Variants in MYOF observed in about 807,000 individuals in gnomAD.
The protein encoded by MYOF is fer-1-like 3, myoferlin.
In MYOF, 244 loss-of-function variants were observed where a neutral mutation model predicts 284.2. The observed-to-expected ratio is 0.86, with a 90% CI of 0.77 to 0.95. MYOF has a LOEUF of 0.95. Ranked by LOEUF, MYOF falls within the 40% of genes least tolerant of loss-of-function variation. MYOF has a pLI of 0.00. For missense variants in MYOF, 2,496 were observed against 2,560.6 expected (o/e 0.97, Z 0.54); for synonymous variants, 904 against 919.7 (o/e 0.98, Z 0.31).
At chr10:93,389,175 T>C in intron 17 of MYOF, 21 bp from the exon 18 acceptor site, 1 of 1,611,228 alleles carries the variant, frequency 6.2e-7, no homozygotes, top group South Asian at 1.1e-5. Context: ...AACATCATCA[T>C]GAGGTGTTAG....
At chr10:93,333,397 C>T in intron 42 of MYOF, 85 bp from the exon 43 acceptor site, 1 of 1,136,306 alleles carries the variant, frequency 8.8e-7, no homozygotes, top group East Asian at 2.4e-5. Flanking sequence ...CTCGCCTCCA[C>T]ACCCACTCCC....
chr10:93,340,560 T>C (rs1234534758), intron 38 of MYOF, among the ~76,000 whole-genome samples: 1 of 152,146 alleles, frequency 6.6e-6, no homozygotes. Context: ...TTCGTTTTAG[T>C]TCCTTAAATA....
rs1844829264 is a variant in MYOF at position 93,356,855 on chromosome 10, CAGA to C, written c.3121-10_3121-8del. 6.2e-7 allele frequency: 1 copy of C among 1,604,484 alleles called. No individual in the cohort carries two copies. Among genetic ancestry groups the C allele is most frequent in the Non-Finnish European group, 8.5e-7 (1 of 1,177,450 alleles). On this transcript the variant is annotated splice_polypyrimidine_tract_variant and splice_region_variant and intron_variant, in intron 29 of 53. Coordinates refer to ENST00000359263, the MANE Select transcript of MYOF (RefSeq NM_013451.4). ...CTTGCAATTCCTCCATGGCCTAAAA[CAGA>C]AGTAAACATGTTAATGATGACGATG...
At position 93,433,299 on chromosome 10, in the gene MYOF, A is replaced by T. The variant is rs1848957570; in HGVS notation, c.237-1783T>A. Among the ~76,000 whole-genome samples the T allele has an allele frequency of 2.0e-5, 3 of 152,160 alleles. No homozygotes were observed. The South Asian group carries it at 6.2e-4, about 32-fold the overall frequency. The stretch of plus-strand genomic sequence containing the variant: ...TAGCCCCTCGAGTAGCTGGGATTAC[A>T]GGCATGCGCCACCAAGCCCAGCTCA... On this transcript the variant is annotated intron_variant, in intron 3 of 53. Transcript: ENST00000359263.
intron 19 of MYOF, among the ~76,000 whole-genome samples, chr10:93,382,782 T>C (rs1254239069): frequency 6.6e-6 from 1 of 152,276 alleles, no homozygotes; most frequent in Non-Finnish European, 1.5e-5. Context: ...TGTGTTTCAT[T>C]ATGTCCCGTG....
intron 50 of MYOF, among the ~76,000 whole-genome samples, chr10:93,316,403 G>A (rs1178446984): frequency 1.3e-5 from 2 of 152,074 alleles, no homozygotes; most frequent in African/African-American, 4.8e-5. Context: ...CCCAGGTGCT[G>A]AGGAGAGAGT....
At chr10:93,378,690 T>TGTGTGC (rs1410254204) in intron 21 of MYOF, among the ~76,000 whole-genome samples, 1 of 100,634 alleles carries the variant, frequency 9.9e-6, no homozygotes, top group Non-Finnish European at 2.0e-5. Context: ...TATGTGTGTG[T>TGTGTGC]GTGTATATAT....
intron 5 of MYOF, among the ~76,000 whole-genome samples, chr10:93,417,943 G>A (rs1422545320): frequency 1.3e-5 from 2 of 152,070 alleles, no homozygotes; most frequent in East Asian, 1.9e-4. Flanking sequence ...AATTACAGAC[G>A]TGCATCATCA....
rs201809490 is a variant in MYOF, at chr10:93,310,155, G to T, written c.6012C>A (p.Thr2004=). 1.2e-6 allele frequency: 2 copies of T among 1,614,006 alleles called. No homozygotes were observed. The highest frequency in any genetic ancestry group is 1.7e-6 in the Non-Finnish European group (2 of 1,179,920). ...PKLDLPNRPE[T]SFLWFTNPCK... ...ATGGGTTGGTGAACCAGAGGAAGGA[G>T]GTTTCTGGTCGACTGCATTGCAAAG... Residue 2004 remains threonine, a synonymous_variant, in exon 53 of 54, where the codon ACC becomes ACA. Coordinates refer to ENST00000359263, the MANE Select transcript of MYOF (RefSeq NM_013451.4).
intron 28 of MYOF, among the ~76,000 whole-genome samples, chr10:93,360,514 G>A (rs1845020728): frequency 6.6e-6 from 1 of 152,206 alleles, no homozygotes; most frequent in African/African-American, 2.4e-5. Context: ...CAATGCTAAC[G>A]ATTATTCTGA....
chr10:93,341,902 A>G (rs1395831016), intron 38 of MYOF: 1 of 1,289,342 alleles, frequency 7.8e-7, no homozygotes, highest in Non-Finnish European at 1.0e-6. Context: ...GCATTTGCTT[A>G]TCATACATAC....
chr10:93,378,505 C>T (rs1845946399), intron 21 of MYOF, among the ~76,000 whole-genome samples: 1 of 151,448 alleles, frequency 6.6e-6, no homozygotes, highest in Non-Finnish European at 1.5e-5. Context: ...ATTTTGCCGT[C>T]GAGTTTTAGA....
At chr10:93,449,091 G>A (rs2056519144) in intron 3 of MYOF, among the ~76,000 whole-genome samples, 3 of 152,290 alleles carry the variant, frequency 2.0e-5, no homozygotes, top group Non-Finnish European at 2.9e-5. Flanking sequence ...CTAGCTACAC[G>A]TGGCTACAGA....
intron 3 of MYOF, among the ~76,000 whole-genome samples, chr10:93,435,318 G>A (rs1394460905): frequency 1.3e-5 from 2 of 152,226 alleles, no homozygotes; most frequent in African/African-American, 2.4e-5. Context: ...GGACCAGCGT[G>A]TCTCGACCTC....
chr10:93,411,241 C>T (rs988540096), intron 5 of MYOF, among the ~76,000 whole-genome samples: 1 of 152,212 alleles, frequency 6.6e-6, no homozygotes, highest in African/African-American at 2.4e-5. Flanking sequence ...AAATTTATTT[C>T]TCACAGTTCT....
At chr10:93,394,170 C>T (rs1456853919) in intron 16 of MYOF, among the ~76,000 whole-genome samples, 2 of 152,078 alleles carry the variant, frequency 1.3e-5, no homozygotes, top group Admixed American at 1.3e-4. Flanking sequence ...GGTGCAATCT[C>T]GGCTCACTGC....
At position 93,356,770 on chromosome 10, in the gene MYOF, T is replaced by C; in HGVS notation, c.3199A>G (p.Ser1067Gly). The change falls in exon 30 of 54, where the codon AGT becomes GGT. Residue 1067 changes from serine to glycine, a missense_variant. This residue lies in a region of MYOF where 2,436 missense variants were observed against 2,480.7 expected (regional missense o/e 0.98). Transcript: ENST00000359263. ...IGWKFHWKQR[S>G]SDTFRRRRWR... The stretch of plus-strand genomic sequence containing the variant: ...CGTCTGCGGCGGAAGGTATCTGAAC[T>C]ACGTTGTTTCCAGTGAAATTTCCAG... The C allele has an allele frequency of 6.2e-7, 1 of 1,614,206 alleles. No individual in the cohort carries two copies. The highest frequency in any genetic ancestry group is 1.3e-5 in the African/African-American group (1 of 75,070).
chr10:93,387,720 C>CG, intron 19 of MYOF, 77 bp downstream of exon 19: 2 of 1,249,638 alleles, frequency 1.6e-6, no homozygotes, highest in Non-Finnish European at 2.3e-6. Context: ...GGTTGCCTTC[C>CG]GACTCCCCCA....
Position 93,353,813 on chromosome 10 carries a change from G to C in MYOF, c.3479C>G (p.Ser1160Ter). ...NLLALDKDSFSDPYAHICFLH... is the reference protein window; with the variant it reads ...NLLALDKDSF ...CATGTAGATTTTTTTTCCTTTACCT[G>C]AAAAGCTATCCTTATCTAAAGCCAA... is the stretch of plus-strand genomic sequence containing the variant. Residue 1160 changes from serine (S) to a stop codon, truncating the protein, a stop_gained and splice_region_variant, in exon 32 of 54, where the codon TCA (serine) becomes TGA (stop). Transcript: ENST00000359263. LOFTEE classifies it high-confidence loss of function. 6.2e-7 allele frequency: 1 copy of C among 1,604,728 alleles called. No homozygotes were observed. The highest frequency in any genetic ancestry group is 8.5e-7 in the Non-Finnish European group (1 of 1,174,718).
Sources: gnomAD v4.1 joint callset for allele counts (sites outside exome capture counted in the v4.1 genomes callset) on GRCh38, gnomAD v4.1.1 for gene constraint, gnomAD v4.1.1 regional missense constraint, MANE v1.5 for transcripts, NCBI Gene and HGNC (gene_info 2026-07-23, HGNC 2026-07-21) for gene names.